Variants in LHFPL2 observed in about 807,000 individuals in gnomAD.
LHFPL2 encodes the protein LHFPL tetraspan subfamily member 2.
Under a neutral mutation model 17.5 loss-of-function variants are expected in LHFPL2, and 7 were observed. The ratio of observed to expected loss-of-function variants is 0.40; its 90% CI spans 0.23 to 0.75. LHFPL2 has a LOEUF of 0.75. Among genes scored for constraint, LHFPL2 ranks in the 30% least tolerant of loss-of-function variants. The pLI, the probability that LHFPL2 is intolerant of heterozygous loss-of-function variation, is 0.37. For synonymous variants in LHFPL2, 134 were observed against 116.2 expected, an observed-to-expected ratio of 1.15 and a Z score of -0.99; for missense variants, 241 against 294.8, an observed-to-expected ratio of 0.82 and a Z score of 1.34.
chr5:78,531,989 A>G (rs377140472), intron 3 of LHFPL2, among the ~76,000 whole-genome samples: 4 of 151,580 alleles, frequency 2.6e-5, no homozygotes, highest in Non-Finnish European at 4.4e-5. Context: ...CAGTGGCACA[A>G]TCTTGGCTCA....
chr5:78,568,666 C>A (rs757949989), intron 2 of LHFPL2, among the ~76,000 whole-genome samples: 9 of 151,992 alleles, frequency 5.9e-5, no homozygotes, highest in Non-Finnish European at 1.2e-4. Context: ...CAGAGTTGAC[C>A]CGAGGTGGTC....
At position 78,642,930 on chromosome 5, in the gene LHFPL2, G is replaced by A. The variant is rs368343372; in HGVS notation, c.-350+5569C>T. Reference sequence around the variant, plus strand: ...TCTCTCCACCACCCAGTCCTGCCAGGATTTCTGCACTCTGGTACTAGCCTC... The same window carrying A: ...TCTCTCCACCACCCAGTCCTGCCAGAATTTCTGCACTCTGGTACTAGCCTC... On this transcript the variant is annotated intron_variant, in intron 1 of 4. Coordinates refer to ENST00000380345, the MANE Select transcript of LHFPL2 (RefSeq NM_005779.3). 2.6e-5 allele frequency among the ~76,000 whole-genome samples: 4 copies of A among 152,164 alleles called. No individual in the cohort carries two copies. The East Asian group carries it at 7.7e-4, about 29-fold the overall frequency.
At chr5:78,501,329 A>T (rs1754766056) in intron 4 of LHFPL2, among the ~76,000 whole-genome samples, 1 of 152,236 alleles carries the variant, frequency 6.6e-6, no homozygotes, top group South Asian at 2.1e-4. Flanking sequence ...TACCACACTT[A>T]CTAAACTTCC....
chr5:78,503,778 G>A (rs2112310392), intron 4 of LHFPL2, among the ~76,000 whole-genome samples: 1 of 152,262 alleles, frequency 6.6e-6, no homozygotes, highest in African/African-American at 2.4e-5. Flanking sequence ...CTTTTCAGCA[G>A]TCATTTTTTT....
intron 4 of LHFPL2, among the ~76,000 whole-genome samples, chr5:78,501,727 A>G (rs1398316425): frequency 3.3e-5 from 5 of 152,180 alleles, no homozygotes; most frequent in Non-Finnish European, 5.9e-5. Context: ...ACTCCATCTC[A>G]TTTTAAAGTT....
At chr5:78,504,763 C>T (rs778879619) in intron 4 of LHFPL2, among the ~76,000 whole-genome samples, 1 of 152,232 alleles carries the variant, frequency 6.6e-6, no homozygotes, top group Non-Finnish European at 1.5e-5. Context: ...AGGCCCTTCA[C>T]CGCCACTGCC....
chr5:78,622,008 T>C (rs1580866855), intron 2 of LHFPL2, among the ~76,000 whole-genome samples: 1 of 152,044 alleles, frequency 6.6e-6, no homozygotes, highest in Non-Finnish European at 1.5e-5. Flanking sequence ...ACAGGGCTCA[T>C]TTAATTTTTT....
chr5:78,538,943 C>T (rs1354711338), intron 3 of LHFPL2, among the ~76,000 whole-genome samples: 1 of 152,222 alleles, frequency 6.6e-6, no homozygotes, highest in African/African-American at 2.4e-5. Flanking sequence ...CTGCAACCTA[C>T]TTCAAATTCC....
At chr5:78,505,864 C>T (rs2112314022) in intron 4 of LHFPL2, among the ~76,000 whole-genome samples, 1 of 152,330 alleles carries the variant, frequency 6.6e-6, no homozygotes, top group Non-Finnish European at 1.5e-5. Flanking sequence ...CAGAACAGTC[C>T]TGAGGTATAA....
intron 2 of LHFPL2, among the ~76,000 whole-genome samples, chr5:78,594,538 T>C (rs181901721): frequency 1.3e-5 from 2 of 152,286 alleles, no homozygotes; most frequent in East Asian, 1.9e-4. Flanking sequence ...AATCCTGTAA[T>C]AAAGTAATAG....
At chr5:78,612,837 G>A (rs1052369060) in intron 2 of LHFPL2, among the ~76,000 whole-genome samples, 7 of 152,236 alleles carry the variant, frequency 4.6e-5, no homozygotes, top group African/African-American at 1.4e-4. Context: ...GGCACCAAAT[G>A]AGCTGGGGAG....
intron 2 of LHFPL2, among the ~76,000 whole-genome samples, chr5:78,571,891 G>A (rs1187075591): frequency 2.6e-5 from 4 of 152,198 alleles, no homozygotes; most frequent in Admixed American, 1.3e-4. Flanking sequence ...TAGGATGTAA[G>A]CTCCCTGCAG....
At chr5:78,631,935 CAAAAAAAA>C (rs35424661) in intron 2 of LHFPL2, among the ~76,000 whole-genome samples, 1 of 104,582 alleles carries the variant, frequency 9.6e-6, no homozygotes, top group Non-Finnish European at 2.0e-5. Context: ...GACTCCATCT[CAAAAAAAA>C]AAAAAAAGAA....
intron 4 of LHFPL2, among the ~76,000 whole-genome samples, chr5:78,497,367 G>A (rs994193514): frequency 7.2e-5 from 11 of 151,946 alleles, no homozygotes; most frequent in African/African-American, 1.9e-4. Flanking sequence ...AGCATACCCC[G>A]GCCTCTCTCA....
intron 1 of LHFPL2, among the ~76,000 whole-genome samples, chr5:78,632,780 G>C (rs1745299552): frequency 6.6e-6 from 1 of 152,214 alleles, no homozygotes; most frequent in Non-Finnish European, 1.5e-5. Flanking sequence ...GCTGATAGGA[G>C]CTGAAGGGAG....
intron 2 of LHFPL2, among the ~76,000 whole-genome samples, chr5:78,615,975 T>C (rs1744585665): frequency 6.6e-6 from 1 of 152,084 alleles, no homozygotes; most frequent in Admixed American, 6.6e-5. Context: ...GGACCAGGAA[T>C]GCTTACCTAA....
rs1373534898 is a variant in LHFPL2 at position 78,583,922 on chromosome 5, A to C, written c.-244-19051T>G. Among the ~76,000 whole-genome samples, 4 of 151,804 alleles carry C rather than the reference A, an allele frequency of 2.6e-5. No homozygotes were observed. The South Asian group carries it at 8.4e-4, about 32-fold the overall frequency. On this transcript the variant is annotated intron_variant, in intron 2 of 4. Coordinates refer to ENST00000380345, the MANE Select transcript of LHFPL2 (RefSeq NM_005779.3). ...CTCCCCATCACTTTCAGGTACACCA[A>C]TCAGACGTAGATTTGGTCTTTTCAC...
In LHFPL2 at chr5:78,585,233, T is replaced by C. The variant is rs1223886647; in HGVS notation, c.-244-20362A>G. On this transcript the variant is annotated intron_variant, in intron 2 of 4. Coordinates refer to ENST00000380345, the MANE Select transcript of LHFPL2 (RefSeq NM_005779.3). ...GTTTTTAGCCGGGATGGTCTCGATATCCTGACCTCGTGATCCGCCCGCCTC... is the reference window on the plus strand; with the variant it reads ...GTTTTTAGCCGGGATGGTCTCGATACCCTGACCTCGTGATCCGCCCGCCTC... Among the ~76,000 whole-genome samples, 5 of 118,784 alleles carry C rather than the reference T, an allele frequency of 4.2e-5. 2 individuals are homozygous for C. The South Asian group carries it at 7.8e-4, about 19-fold the overall frequency. 77.9% of individuals were successfully genotyped at this position (118,784 alleles called of 152,430 possible). A position where few individuals can be genotyped will look rare whatever the true frequency, so the allele number is the denominator to read the frequency against.
intron 3 of LHFPL2, among the ~76,000 whole-genome samples, chr5:78,511,677 T>C (rs1203958676): frequency 6.6e-6 from 1 of 152,148 alleles, no homozygotes; most frequent in Non-Finnish European, 1.5e-5. Flanking sequence ...AAGCTTAAAA[T>C]GCCCGTTTCT....
Sources: allele counts gnomAD v4.1 joint callset (sites outside exome capture counted in the v4.1 genomes callset), GRCh38; gene constraint gnomAD v4.1.1; transcripts MANE v1.5; gene names NCBI Gene and HGNC (gene_info 2026-07-23, HGNC 2026-07-21).